ERBB4: variants seen among roughly 807,000 people sequenced by gnomAD.
The protein encoded by ERBB4 is erb-b2 receptor tyrosine kinase 4, also known as receptor tyrosine-protein kinase erbB-4.
Under a neutral mutation model 158.0 loss-of-function variants are expected in ERBB4, and 42 were observed. That is an observed-to-expected ratio of 0.27 (90% CI 0.21 to 0.34). ERBB4 has a LOEUF of 0.34. ERBB4 is among the 10% of genes least tolerant of loss of function. The pLI, the probability that ERBB4 is intolerant of heterozygous loss-of-function variation, is 1.00. For synonymous variants in ERBB4, 583 were observed against 558.7 expected, an observed-to-expected ratio of 1.04 and a Z score of -0.61; for missense variants, 1,333 against 1,624.1, an observed-to-expected ratio of 0.82 and a Z score of 3.08.
intron 1 of ERBB4, among the ~76,000 whole-genome samples, chr2:212,174,582 C>G (rs1034095172): frequency 3.3e-5 from 5 of 152,050 alleles, no homozygotes; most frequent in Non-Finnish European, 4.4e-5. Context: ...GCTACTCATT[C>G]TACTTGATTA....
chr2:212,274,231 T>C (rs1448187668), intron 1 of ERBB4, among the ~76,000 whole-genome samples: 3 of 151,846 alleles, frequency 2.0e-5, no homozygotes, highest in South Asian at 2.1e-4. Flanking sequence ...ACAGGACATA[T>C]CAAGCAGTTC....
chr2:211,382,189 A>T lies in ERBB4; in HGVS notation c.*1426T>A, dbSNP rs555761666. 4.3e-6 allele frequency: 1 copy of T among 231,408 alleles called. No individual in the cohort carries two copies. Among genetic ancestry groups the T allele is most frequent in the African/African-American group, 2.2e-5 (1 of 45,388 alleles). 14.3% of individuals were successfully genotyped at this position (231,408 alleles called of 1,614,324 possible). ...CTTTTTATTATACCAATTTATGTGC[A>T]AAGAGTTACCTTCTACTTCATATAA... On this transcript the variant is annotated 3_prime_UTR_variant, in exon 28 of 28. Transcript: ENST00000342788.
chr2:211,498,493 A>T (rs560694842), intron 20 of ERBB4, among the ~76,000 whole-genome samples: 2 of 152,134 alleles, frequency 1.3e-5, no homozygotes, highest in African/African-American at 4.8e-5. Context: ...TCTAAATATC[A>T]TCACTGCCAA....
chr2:211,700,464 ATGT>A (rs1460107440), intron 12 of ERBB4, among the ~76,000 whole-genome samples: 1 of 152,148 alleles, frequency 6.6e-6, no homozygotes, highest in Non-Finnish European at 1.5e-5. Context: ...CAGGAACCTC[ATGT>A]TGTAATAGAT....
chr2:211,538,528 C>A (rs559304812), intron 20 of ERBB4, among the ~76,000 whole-genome samples: 1 of 151,920 alleles, frequency 6.6e-6, no homozygotes, highest in Admixed American at 6.6e-5. Context: ...AGAAAAGAAT[C>A]ATATGATTCT....
At chr2:212,206,970 T>C (rs964520828) in intron 1 of ERBB4, among the ~76,000 whole-genome samples, 1 of 150,684 alleles carries the variant, frequency 6.6e-6, no homozygotes, top group Non-Finnish European at 1.5e-5. Context: ...TGGACTGCAA[T>C]TAACCATGTT....
At chr2:211,619,610 G>A (rs2069521451) in intron 18 of ERBB4, among the ~76,000 whole-genome samples, 1 of 152,134 alleles carries the variant, frequency 6.6e-6, no homozygotes, top group Non-Finnish European at 1.5e-5. Context: ...TGGTATCATC[G>A]ACTTTTTGAG....
intron 2 of ERBB4, among the ~76,000 whole-genome samples, chr2:211,997,014 A>T (rs2082215457): frequency 6.6e-6 from 1 of 152,198 alleles, no homozygotes; most frequent in South Asian, 2.1e-4. Flanking sequence ...GACTGCTTTT[A>T]ACTGCGAAGT....
intron 12 of ERBB4, among the ~76,000 whole-genome samples, chr2:211,683,420 A>G (rs1278799574): frequency 2.0e-5 from 3 of 152,308 alleles, no homozygotes; most frequent in African/African-American, 7.2e-5. Context: ...AAATTTATAT[A>G]AATGGAATTG....
intron 25 of ERBB4, among the ~76,000 whole-genome samples, chr2:211,405,734 T>C (rs752043010): frequency 1.3e-5 from 2 of 152,180 alleles, no homozygotes; most frequent in South Asian, 2.1e-4. Context: ...TCAAAAAGGA[T>C]AGTAAGATGT....
chr2:211,625,032 G>A (rs2069785367), intron 17 of ERBB4, among the ~76,000 whole-genome samples: 1 of 151,014 alleles, frequency 6.6e-6, no homozygotes, highest in Non-Finnish European at 1.5e-5. Flanking sequence ...ATGAGAAGGG[G>A]GCAAGTATGT....
chr2:211,394,712 A>T (rs759345763), intron 25 of ERBB4, among the ~76,000 whole-genome samples: 2 of 152,052 alleles, frequency 1.3e-5, no homozygotes, highest in Non-Finnish European at 2.9e-5. Flanking sequence ...TGAATCGTGA[A>T]GTTGTCTCTG....
At chr2:211,711,127 A>G (rs1428515052) in intron 9 of ERBB4, among the ~76,000 whole-genome samples, 1 of 152,128 alleles carries the variant, frequency 6.6e-6, no homozygotes, top group Non-Finnish European at 1.5e-5. Flanking sequence ...ATTAAAAGCT[A>G]CCTATTAAAA....
chr2:211,759,031 A>G (rs181619606), intron 4 of ERBB4, among the ~76,000 whole-genome samples: 1 of 152,268 alleles, frequency 6.6e-6, no homozygotes, highest in African/African-American at 2.4e-5. Context: ...TCCCACTCCA[A>G]TCATACAAAT....
chr2:212,271,052 C>T (rs1182488984), intron 1 of ERBB4, among the ~76,000 whole-genome samples: 1 of 151,760 alleles, frequency 6.6e-6, no homozygotes, highest in Non-Finnish European at 1.5e-5. Flanking sequence ...TTGATAACTA[C>T]AATTATCTCC....
chr2:212,422,080 A>C (rs962987715), intron 1 of ERBB4, among the ~76,000 whole-genome samples: 4 of 152,212 alleles, frequency 2.6e-5, no homozygotes, highest in Admixed American at 1.3e-4. Flanking sequence ...ACCATTGAAA[A>C]GTATCCCAGA....
intron 14 of ERBB4, among the ~76,000 whole-genome samples, chr2:211,671,020 A>T (rs1168213863): frequency 6.6e-6 from 1 of 152,120 alleles, no homozygotes; most frequent in African/African-American, 2.4e-5. Flanking sequence ...ATTAGAAAAA[A>T]ATATGGTGTC....
intron 20 of ERBB4, among the ~76,000 whole-genome samples, chr2:211,524,545 G>A (rs2066285631): frequency 6.6e-6 from 1 of 152,152 alleles, no homozygotes; most frequent in African/African-American, 2.4e-5. Context: ...CTAAGGCCCA[G>A]TGAGAAATCA....
intron 1 of ERBB4, among the ~76,000 whole-genome samples, chr2:212,484,788 A>C (rs1432334178): frequency 6.6e-6 from 1 of 152,124 alleles, no homozygotes; most frequent in Non-Finnish European, 1.5e-5. Flanking sequence ...GGTAACACTA[A>C]ACCATTTACT....
Sources: gnomAD v4.1 joint callset for allele counts (sites outside exome capture counted in the v4.1 genomes callset) on GRCh38, gnomAD v4.1.1 for gene constraint, MANE v1.5 for transcripts, NCBI Gene and HGNC (gene_info 2026-07-23, HGNC 2026-07-21) for gene names.